SMYD3: variants seen among roughly 807,000 people sequenced by gnomAD.
The protein encoded by SMYD3 is histone-lysine N-methyltransferase SMYD3.
SMYD3 carries 36 observed loss-of-function variants against 57.7 expected under a neutral mutation model. The observed-to-expected ratio is 0.62, with a 90% confidence interval of 0.48 to 0.82. SMYD3 has a LOEUF of 0.82. Among genes scored for constraint, SMYD3 ranks in the 40% least tolerant of loss-of-function variants. SMYD3 has a pLI of 0.00. For missense variants in SMYD3, 515 were observed against 538.8 expected (o/e 0.96, Z 0.44); for synonymous variants, 211 against 195.0 (o/e 1.08, Z -0.68).
chr1:246,065,116 T>C (rs1474647676), intron 5 of SMYD3, among the ~76,000 whole-genome samples: 1 of 152,216 alleles, frequency 6.6e-6, no homozygotes, highest in Non-Finnish European at 1.5e-5. Context: ...TCCCATTGTT[T>C]AGAGGAGGTG....
At chr1:246,342,289 T>G (rs2065644914) in intron 2 of SMYD3, among the ~76,000 whole-genome samples, 2 of 152,144 alleles carry the variant, frequency 1.3e-5, no homozygotes, top group Non-Finnish European at 2.9e-5. Context: ...TCACAAACAA[T>G]CATCTACAGA....
At chr1:245,995,890 G>A (rs1265250432) in intron 5 of SMYD3, among the ~76,000 whole-genome samples, 2 of 152,214 alleles carry the variant, frequency 1.3e-5, no homozygotes, top group African/African-American at 4.8e-5. Flanking sequence ...GCTTGGTCCT[G>A]GGGATGAGCC....
intron 8 of SMYD3, among the ~76,000 whole-genome samples, chr1:245,878,657 G>A (rs902044993): frequency 6.6e-6 from 1 of 152,204 alleles, no homozygotes. Context: ...GTAAAAAGGG[G>A]CCAGCTGAGG....
At chr1:246,449,606 C>T (rs1018261722) in intron 1 of SMYD3, among the ~76,000 whole-genome samples, 6 of 152,258 alleles carry the variant, frequency 3.9e-5, no homozygotes, top group African/African-American at 1.4e-4. Flanking sequence ...ACTTCTCCAG[C>T]GATTACCTGA....
intron 1 of SMYD3, among the ~76,000 whole-genome samples, chr1:246,486,045 T>C (rs2068183344): frequency 6.6e-6 from 1 of 152,220 alleles, no homozygotes; most frequent in Non-Finnish European, 1.5e-5. Context: ...CTGAGTAAAA[T>C]GTATCATTAC....
At chr1:246,351,670 A>G (rs2065826332) in intron 2 of SMYD3, among the ~76,000 whole-genome samples, 1 of 152,228 alleles carries the variant, frequency 6.6e-6, no homozygotes, top group African/African-American at 2.4e-5. Context: ...TGCATAAACC[A>G]ATAGTTTGGT....
intron 1 of SMYD3, among the ~76,000 whole-genome samples, chr1:246,410,165 C>T (rs965091804): frequency 6.6e-6 from 1 of 152,082 alleles, no homozygotes; most frequent in African/African-American, 2.4e-5. Context: ...CCTTTATTCC[C>T]TTCTCCTGCC....
intron 5 of SMYD3, among the ~76,000 whole-genome samples, chr1:245,945,233 A>G (rs2057392759): frequency 1.3e-5 from 2 of 152,192 alleles, no homozygotes; most frequent in African/African-American, 4.8e-5. Flanking sequence ...CTATCCATCT[A>G]ACAATGGTCT....
chr1:246,506,994 C>CCCCCCCCCCCCCCCCCCCCCCA, intron 1 of SMYD3, 60 bp downstream of exon 1: 2 of 894,064 alleles, frequency 2.2e-6, no homozygotes, highest in Non-Finnish European at 1.5e-6. Context: ...CCGACGCCCC[C>CCCCCCCCCCCCCCCCCCCCCCA]CCCTCCCCAG....
In SMYD3 at chr1:246,502,637, T is replaced by C. The variant is rs557531561; in HGVS notation, c.164+4417A>G. Among the ~76,000 whole-genome samples, 8 of 152,268 alleles carry C rather than the reference T, an allele frequency of 5.3e-5. No individual in the cohort carries two copies. In the South Asian group the frequency reaches 1.7e-3, roughly 32 times the overall value. On this transcript the variant is annotated intron_variant, in intron 1 of 11. Transcript: ENST00000490107. ...GCTGGTTTAAATGGCTGCTTTCGGG[T>C]AGATTTCCCTCCAAGGTCTTATCGG... is the stretch of plus-strand genomic sequence containing the variant.
intron 5 of SMYD3, among the ~76,000 whole-genome samples, chr1:246,141,899 G>A (rs773190488): frequency 6.6e-6 from 1 of 152,154 alleles, no homozygotes; most frequent in African/African-American, 2.4e-5. Context: ...TTCCTATAAA[G>A]AAGTCAAATT....
chr1:246,401,688 A>T (rs1439086668), intron 1 of SMYD3, among the ~76,000 whole-genome samples: 1 of 151,142 alleles, frequency 6.6e-6, no homozygotes, highest in Non-Finnish European at 1.5e-5. Context: ...GTTCTAAAAC[A>T]TCCAGTAGCA....
intron 2 of SMYD3, among the ~76,000 whole-genome samples, chr1:246,344,767 C>T (rs1356374254): frequency 6.6e-6 from 1 of 152,160 alleles, no homozygotes; most frequent in East Asian, 1.9e-4. Context: ...TTTAGTCTTT[C>T]TAGTGGGTGT....
intron 5 of SMYD3, among the ~76,000 whole-genome samples, chr1:246,257,511 T>G (rs2148513670): frequency 6.6e-6 from 1 of 152,328 alleles, no homozygotes; most frequent in East Asian, 1.9e-4. Flanking sequence ...CCTGTAGGTG[T>G]TGTTACCTGT....
chr1:245,863,194 T>C (rs1220102062), intron 9 of SMYD3, among the ~76,000 whole-genome samples: 1 of 152,228 alleles, frequency 6.6e-6, no homozygotes, highest in Non-Finnish European at 1.5e-5. Flanking sequence ...GGCCTCCTTC[T>C]CAGCCTTGGC....
intron 1 of SMYD3, among the ~76,000 whole-genome samples, chr1:246,459,234 T>C (rs2067755577): frequency 6.6e-6 from 1 of 150,978 alleles, no homozygotes; most frequent in African/African-American, 2.4e-5. Context: ...ACGTCCCCCT[T>C]CACTCTCTCC....
chr1:245,752,179 A>G (rs1009294734), intron 11 of SMYD3, among the ~76,000 whole-genome samples: 1 of 152,222 alleles, frequency 6.6e-6, no homozygotes, highest in East Asian at 1.9e-4. Context: ...TTTACTCAAC[A>G]AAGAGCCAGA....
chr1:246,107,045 A>G (rs996663438), intron 5 of SMYD3, among the ~76,000 whole-genome samples: 6 of 151,366 alleles, frequency 4.0e-5, no homozygotes, highest in African/African-American at 9.7e-5. Context: ...CACGCCTGTA[A>G]TCCCAGCACT....
At position 245,839,514 on chromosome 1, in the gene SMYD3, G is replaced by A. The variant is rs1229182246; in HGVS notation, c.1076+18982C>T. ...TTATTTTCAAACAGGAATGGATAGC[G>A]GTTTCCTGGGGAGGCGGGGGCGACA... On this transcript the variant is annotated intron_variant, in intron 10 of 11. Coordinates refer to ENST00000490107, the MANE Select transcript of SMYD3 (RefSeq NM_001167740.2). Among the ~76,000 whole-genome samples, 5 of 152,126 alleles carry A rather than the reference G, an allele frequency of 3.3e-5. No individual in the cohort carries two copies. The East Asian group carries it at 7.7e-4, about 23-fold the overall frequency.
Sources: allele counts gnomAD v4.1 joint callset (sites outside exome capture counted in the v4.1 genomes callset), GRCh38; gene constraint gnomAD v4.1.1; transcripts MANE v1.5; gene names NCBI Gene and HGNC (gene_info 2026-07-23, HGNC 2026-07-21).